Variants in SYTL5 observed in about 807,000 individuals in gnomAD.
SYTL5 encodes synaptotagmin like 5.
Under a neutral mutation model 55.9 loss-of-function variants are expected in SYTL5, and 34 were observed. The ratio of observed to expected loss-of-function variants is 0.61; its 90% CI spans 0.46 to 0.81. The LOEUF is 0.81. Ranked by LOEUF, SYTL5 falls within the 30% of genes least tolerant of loss-of-function variation. SYTL5 has a pLI of 0.00. For missense variants in SYTL5, 637 were observed against 546.7 expected (o/e 1.17, Z -1.65); for synonymous variants, 221 against 188.7 (o/e 1.17, Z -1.40).
At chrX:38,023,122 C>A (rs1934615397) in intron 1 of SYTL5, among the ~76,000 whole-genome samples, 1 of 112,063 alleles carries the variant, frequency 8.9e-6, no homozygotes, top group African/African-American at 3.2e-5. Context: ...TATAGAAGAG[C>A]CAGATTGGAG....
At chrX:38,113,470 T>A (rs749920500) in intron 13 of SYTL5, among the ~76,000 whole-genome samples, 14 of 111,790 alleles carry the variant, frequency 1.3e-4, no homozygotes, top group Non-Finnish European at 9.4e-5. Flanking sequence ...CACCTGTAAA[T>A]GCACTGGGAG....
intron 6 of SYTL5, among the ~76,000 whole-genome samples, chrX:38,086,311 G>T (rs1255609101): frequency 8.9e-6 from 1 of 111,834 alleles, no homozygotes; most frequent in Admixed American, 9.5e-5. Flanking sequence ...CAGGGTCATT[G>T]TAAGAGTATA....
intron 2 of SYTL5, among the ~76,000 whole-genome samples, chrX:38,035,569 C>A (rs1259196268): frequency 2.1e-5 from 2 of 94,376 alleles, no homozygotes; most frequent in African/African-American, 8.3e-5. Context: ...CCAGCCTGGG[C>A]GGCAGAGCCA....
At chrX:38,021,927 T>A (rs773952634) in intron 1 of SYTL5, among the ~76,000 whole-genome samples, 1 of 112,224 alleles carries the variant, frequency 8.9e-6, no homozygotes, top group Non-Finnish European at 1.9e-5. Flanking sequence ...CACAACATAG[T>A]CTACCCCAGT....
chrX:37,938,713 A>C, the SYTL5 span, among the ~76,000 whole-genome samples: 1 of 110,479 alleles, frequency 9.1e-6, no homozygotes, highest in African/African-American at 3.3e-5. Flanking sequence ...TTCCTATCCC[A>C]TTGTAATGCC....
intron 13 of SYTL5, among the ~76,000 whole-genome samples, chrX:38,116,038 C>A (rs1323994494): frequency 9.0e-6 from 1 of 111,226 alleles, no homozygotes; most frequent in East Asian, 2.8e-4. Context: ...GAGCTTTTCC[C>A]CTATGTTTTT....
upstream of SYTL5, among the ~76,000 whole-genome samples, chrX:38,005,125 G>A (rs1473744033): frequency 9.0e-6 from 1 of 111,459 alleles, no homozygotes; most frequent in African/African-American, 3.3e-5. Context: ...AGGGGAGACA[G>A]AATTTGTAGG....
the SYTL5 span, among the ~76,000 whole-genome samples, chrX:37,927,871 G>A: frequency 9.0e-6 from 1 of 111,478 alleles, no homozygotes; most frequent in Non-Finnish European, 1.9e-5. Context: ...CTACTCTATA[G>A]CATCAGTCAA....
chrX:37,979,440 C>G, the SYTL5 span, among the ~76,000 whole-genome samples: 1 of 104,677 alleles, frequency 9.6e-6, no homozygotes, highest in African/African-American at 3.5e-5. Context: ...CATGACTCAG[C>G]CTTCAGCTTA....
chrX:37,923,454 T>G, the SYTL5 span, among the ~76,000 whole-genome samples: 1 of 110,925 alleles, frequency 9.0e-6, no homozygotes, highest in African/African-American at 3.3e-5. Context: ...CAAAAAGCAT[T>G]TTTGATCCTC....
chrX:37,937,358 G>T, the SYTL5 span, among the ~76,000 whole-genome samples: 1 of 111,255 alleles, frequency 9.0e-6, no homozygotes. Flanking sequence ...ACGCAAGGCG[G>T]CTTTGATTCA....
chrX:38,093,227 G>A (rs1936843490), intron 7 of SYTL5, among the ~76,000 whole-genome samples: 1 of 112,069 alleles, frequency 8.9e-6, no homozygotes, highest in Non-Finnish European at 1.9e-5. Flanking sequence ...GAATCAATTA[G>A]CATATTAAGC....
Position 38,108,623 on chromosome X carries a change from C to T in SYTL5, c.1358C>T (p.Pro453Leu). The change falls in exon 12 of 17, where the codon CCT (proline) becomes CTT (leucine). Residue 453 changes from proline to leucine, a missense_variant. Coordinates refer to ENST00000297875, the MANE Select transcript of SYTL5 (RefSeq NM_138780.3). Reference protein sequence around the residue: ...TDAYVKSYLLPDKSRNNKRKT... With the variant: ...TDAYVKSYLLLDKSRNNKRKT... ...AGTTATGTCAAGTCATATCTTCTTC[C>T]TGACAAGTCCCGGAACAACAAGCGT... 8.4e-7 allele frequency: 1 copy of T among 1,197,592 alleles called. No homozygotes were observed. The highest frequency in any genetic ancestry group is 1.1e-6 in the Non-Finnish European group (1 of 885,992).
intron 1 of SYTL5, among the ~76,000 whole-genome samples, chrX:38,026,508 T>G (rs1934781821): frequency 8.9e-6 from 1 of 111,797 alleles, no homozygotes; most frequent in Non-Finnish European, 1.9e-5. Context: ...AAAACAAGTT[T>G]ATTAAGAAAG....
intron 3 of SYTL5, among the ~76,000 whole-genome samples, chrX:38,064,750 A>T (rs1936054966): frequency 1.8e-5 from 2 of 111,420 alleles, no homozygotes; most frequent in Non-Finnish European, 3.8e-5. Flanking sequence ...GTATTATTTT[A>T]AAATATAGTA....
chrX:38,011,646 A>AAG (rs1555919171), intron 1 of SYTL5, among the ~76,000 whole-genome samples: 7 of 109,224 alleles, frequency 6.4e-5, no homozygotes, highest in Admixed American at 3.9e-4. Context: ...AAAAAAAAAA[A>AAG]AGAGAGTATA....
chrX:38,100,818 G>C (rs1485358550), intron 9 of SYTL5, among the ~76,000 whole-genome samples: 1 of 111,041 alleles, frequency 9.0e-6, no homozygotes, highest in Non-Finnish European at 1.9e-5. Context: ...ATATATTCAA[G>C]TGTGTGAACA....
upstream of SYTL5, among the ~76,000 whole-genome samples, chrX:38,004,103 T>C (rs2147271723): frequency 8.9e-6 from 1 of 112,005 alleles, no homozygotes; most frequent in East Asian, 2.8e-4. Context: ...CCTTGTCAGA[T>C]TGGTAGTTTG....
chrX:37,992,676 A>G, the SYTL5 span, among the ~76,000 whole-genome samples: 61 of 112,461 alleles, frequency 5.4e-4, no homozygotes, highest in East Asian at 0.016. Context: ...GGCTTCCCCA[A>G]GGTGCAGTGG....
Sources: allele counts gnomAD v4.1 joint callset (sites outside exome capture counted in the v4.1 genomes callset), GRCh38; gene constraint gnomAD v4.1.1; transcripts MANE v1.5; gene names NCBI Gene and HGNC (gene_info 2026-07-23, HGNC 2026-07-21).